The following SLC4A4 variants were observed in gnomAD, a reference collection of about 807,000 sequenced individuals.
The protein encoded by SLC4A4 is electrogenic sodium bicarbonate cotransporter 1.
SLC4A4 carries 27 observed loss-of-function variants against 111.5 expected under a neutral mutation model. The observed-to-expected ratio is 0.24, with a 90% CI of 0.18 to 0.33. SLC4A4 has a LOEUF of 0.33. Among genes scored for constraint, SLC4A4 ranks in the 10% least tolerant of loss-of-function variants. SLC4A4 has a pLI of 1.00. For missense variants in SLC4A4, 909 were observed against 1,315.5 expected, an observed-to-expected ratio of 0.69 and a Z score of 4.78; for synonymous variants, 443 against 463.4, an observed-to-expected ratio of 0.96 and a Z score of 0.57.
At chr4:71,076,484 A>G (rs904872790) in intron 1 of SLC4A4, among the ~76,000 whole-genome samples, 1 of 151,818 alleles carries the variant, frequency 6.6e-6, no homozygotes, top group African/African-American at 2.4e-5. Context: ...GTGAGCCAAG[A>G]TTGCATCATT....
chr4:71,504,650 T>G (rs1731230319), intron 16 of SLC4A4, among the ~76,000 whole-genome samples: 1 of 135,234 alleles, frequency 7.4e-6, no homozygotes, highest in African/African-American at 2.9e-5. Context: ...TACTGAAGAC[T>G]TATTGTGTTT....
chr4:71,571,546 T>C lies in SLC4A4; in HGVS notation c.*3795T>C, dbSNP rs766219453. Reference sequence around the variant, plus strand: ...GGCCAGAGATTTAGATATGTCCAATTTCCTGGCTCATTTCATTGTGCTCTA... The same window carrying C: ...GGCCAGAGATTTAGATATGTCCAATCTCCTGGCTCATTTCATTGTGCTCTA... On this transcript the variant is annotated 3_prime_UTR_variant, in exon 26 of 26. Coordinates refer to ENST00000264485, the MANE Select transcript of SLC4A4 (RefSeq NM_001098484.3). 2.6e-5 allele frequency: 4 copies of C among 152,264 alleles called. No individual in the cohort carries two copies. Among genetic ancestry groups the C allele is most frequent in the Non-Finnish European group, 4.4e-5 (3 of 67,854 alleles). 9.4% of individuals were successfully genotyped at this position (152,264 alleles called of 1,614,324 possible).
chr4:71,418,883 T>C lies in SLC4A4; in HGVS notation c.807+21230T>C, dbSNP rs570142165. The stretch of plus-strand genomic sequence containing the variant: ...AGACGGGTTTTTGGTGTGGATGTCC[T>C]TTCTCTTTGTTAGTTTTCCTTCTAA... On this transcript the variant is annotated intron_variant, in intron 7 of 25. Coordinates refer to ENST00000264485, the MANE Select transcript of SLC4A4 (RefSeq NM_001098484.3). Among the ~76,000 whole-genome samples the C allele has an allele frequency of 4.6e-5, 7 of 152,328 alleles. No individual in the cohort carries two copies. In the South Asian group the frequency reaches 1.4e-3, roughly 32 times the overall value.
intron 1 of SLC4A4, among the ~76,000 whole-genome samples, chr4:71,064,269 T>C (rs1486272): frequency 0.67 from 101,915 of 151,752 alleles, 35,512 homozygotes; most frequent in East Asian, 0.83. Flanking sequence ...CAATTTTTAG[T>C]AACTTGCAGT....
At chr4:71,486,416 A>G (rs1445091209) in intron 14 of SLC4A4, among the ~76,000 whole-genome samples, 1 of 151,460 alleles carries the variant, frequency 6.6e-6, no homozygotes, top group Non-Finnish European at 1.5e-5. Context: ...ATTAGATTAA[A>G]TGTTCATCTC....
chr4:71,225,909 T>C (rs1478915413), intron 1 of SLC4A4, among the ~76,000 whole-genome samples: 1 of 152,256 alleles, frequency 6.6e-6, no homozygotes, highest in Non-Finnish European at 1.5e-5. Context: ...CCGTGCTAAT[T>C]ACTACAAATA....
At chr4:71,437,413 C>T in intron 7 of SLC4A4, 1 of 301,578 alleles carries the variant, frequency 3.3e-6, no homozygotes, top group Non-Finnish European at 6.5e-6. Context: ...TCGGGTAATA[C>T]TGGAAATAAT....
At chr4:71,498,374 A>G (rs192462590) in intron 16 of SLC4A4, among the ~76,000 whole-genome samples, 117 of 152,274 alleles carry the variant, frequency 7.7e-4, no homozygotes, top group East Asian at 1.9e-3. Context: ...CTGCAGAATC[A>G]AACTAAGATA....
intron 18 of SLC4A4, 76 bp downstream of exon 18, chr4:71,534,464 C>G: frequency 1.4e-6 from 2 of 1,430,860 alleles, no homozygotes; most frequent in Non-Finnish European, 2.0e-6. Flanking sequence ...TGATTAAAAA[C>G]CAAGGGAGCT....
intron 2 of SLC4A4, among the ~76,000 whole-genome samples, chr4:71,157,225 TA>T (rs1374255224): frequency 1.3e-5 from 2 of 152,172 alleles, no homozygotes; most frequent in African/African-American, 4.8e-5. Flanking sequence ...GAAATTGGAA[TA>T]ATTATATAAA....
intron 20 of SLC4A4, among the ~76,000 whole-genome samples, chr4:71,550,417 G>A (rs186951221): frequency 8.9e-4 from 135 of 152,038 alleles, no homozygotes; most frequent in Admixed American, 1.8e-3. Context: ...ACAGGAAGAA[G>A]CAGATATTGA....
At chr4:71,322,934 G>A (rs146763256) in intron 3 of SLC4A4, among the ~76,000 whole-genome samples, 1,654 of 151,796 alleles carry the variant, frequency 0.011, 30 homozygotes, top group African/African-American at 0.035. Context: ...TTTGGCTTTC[G>A]TGGCTTCCCA....
intron 1 of SLC4A4, among the ~76,000 whole-genome samples, chr4:71,188,313 G>GT (rs1038160227): frequency 6.6e-6 from 1 of 152,092 alleles, no homozygotes. Context: ...CTGTAAAACT[G>GT]TTTTTTTCTA....
At position 71,349,452 on chromosome 4, in the gene SLC4A4, C is replaced by T. The variant is rs576880642; in HGVS notation, c.390-460C>T. ...TCACGCATCATGTTTTTTATGTCTG[C>T]GATAAATATTGGTTCATCACTGATA... is the stretch of plus-strand genomic sequence containing the variant. On this transcript the variant is annotated intron_variant, in intron 4 of 25. Coordinates refer to ENST00000264485, the MANE Select transcript of SLC4A4 (RefSeq NM_001098484.3). 5.9e-5 allele frequency among the ~76,000 whole-genome samples: 9 copies of T among 152,244 alleles called. No individual in the cohort carries two copies. The South Asian group carries it at 6.2e-4, about 11-fold the overall frequency.
chr4:71,302,375 G>T (rs943629038), intron 3 of SLC4A4, among the ~76,000 whole-genome samples: 11 of 152,054 alleles, frequency 7.2e-5, no homozygotes, highest in Non-Finnish European at 1.2e-4. Flanking sequence ...TAACTTAAAA[G>T]GTCCCTTCCA....
intron 12 of SLC4A4, among the ~76,000 whole-genome samples, chr4:71,462,098 AG>A (rs1726887999): frequency 1.3e-5 from 2 of 152,218 alleles, no homozygotes; most frequent in Admixed American, 1.3e-4. Flanking sequence ...CTTAAAGGAA[AG>A]AGAAATAATA....
intron 2 of SLC4A4, among the ~76,000 whole-genome samples, chr4:71,093,175 T>C (rs1742436053): frequency 1.3e-5 from 2 of 152,142 alleles, no homozygotes; most frequent in South Asian, 4.1e-4. Context: ...TTTTCTTTTT[T>C]TCCTTTTTCT....
chr4:71,375,621 T>C (rs1189930009), intron 6 of SLC4A4, among the ~76,000 whole-genome samples: 1 of 152,222 alleles, frequency 6.6e-6, no homozygotes, highest in Non-Finnish European at 1.5e-5. Flanking sequence ...CACTATAATG[T>C]ATGAGTACAT....
In SLC4A4 at chr4:71,097,681, C is replaced by T. The variant is rs557412874; in HGVS notation, c.-2+4889C>T. On this transcript the variant is annotated intron_variant, in intron 2 of 26. Coordinates refer to the SLC4A4 transcript ENST00000649996. The stretch of plus-strand genomic sequence containing the variant: ...TCCCTTTTCTCCGCAATTTCATCAG[C>T]GTCTGTTATTTTTTTGACTTTTTAA... Among the ~76,000 whole-genome samples the T allele has an allele frequency of 3.0e-4, 46 of 152,204 alleles. No homozygotes were observed. In the South Asian group the frequency reaches 7.9e-3, roughly 26 times the overall value.
Sources: allele counts gnomAD v4.1 joint callset (sites outside exome capture counted in the v4.1 genomes callset), GRCh38; gene constraint gnomAD v4.1.1; transcripts MANE v1.5; gene names NCBI Gene and HGNC (gene_info 2026-07-23, HGNC 2026-07-21).